The following TMEM59L variants were observed in gnomAD, a reference collection of about 807,000 sequenced individuals.
TMEM59L encodes the protein transmembrane protein 59 like.
In TMEM59L, 31 loss-of-function variants were observed where a neutral mutation model predicts 39.6. The ratio of observed to expected loss-of-function variants is 0.78; its 90% CI spans 0.59 to 1.06. The LOEUF (loss-of-function observed/expected upper bound fraction) is 1.06, where lower values mean the gene tolerates loss of function less well. TMEM59L is among the 50% of genes least tolerant of loss of function. The pLI is 0.00. For missense variants in TMEM59L, 441 were observed against 451.3 expected (o/e 0.98, Z 0.21); for synonymous variants, 219 against 202.9 (o/e 1.08, Z -0.68).
intron 7 of TMEM59L, 86 bp downstream of exon 7, chr19:18,618,578 G>C (rs1242912559): frequency 7.8e-7 from 1 of 1,286,284 alleles, no homozygotes; most frequent in Non-Finnish European, 1.1e-6. Context: ...TTGGCCACCT[G>C]CTCCCATGGA....
In TMEM59L at chr19:18,617,044, G is replaced by A. The variant is rs147991547; in HGVS notation, c.606G>A (p.Leu202=). 36 of 1,613,068 alleles carry A rather than the reference G, an allele frequency of 2.2e-5. No individual in the cohort carries two copies. In the African/African-American group the frequency reaches 4.5e-4, roughly 20 times the overall value. ...GCCTCGGCTTCCAGGGGGGCCGTCT[G>A]CAGCGCGTGGAGGTGACCTGGCGAG... The part of the protein sequence containing the change: ...VESLGFQGGR[L]QRVEVTWRGS... Residue 202 remains leucine, a synonymous_variant, in exon 5 of 8, where the codon CTG becomes CTA. Transcript: ENST00000262817.
In TMEM59L at chr19:18,614,315, G is replaced by T; in HGVS notation, c.408+120G>T. The T allele has an allele frequency of 3.5e-6, 4 of 1,155,510 alleles. No homozygotes were observed. In the South Asian group the frequency reaches 4.4e-5, roughly 13 times the overall value. 71.6% of individuals were successfully genotyped at this position (1,155,510 alleles called of 1,614,324 possible). A position where few individuals can be genotyped will look rare whatever the true frequency, so the allele number is the denominator to read the frequency against. On this transcript the variant is annotated intron_variant, in intron 3 of 7. Coordinates refer to ENST00000262817, the MANE Select transcript of TMEM59L (RefSeq NM_012109.3). ...AGACTCTGCGTTCTATACCAGGCCT[G>T]CAGGGCAACCTCCATCCAGCCCCGT...
chr19:18,614,220 G>A (rs1976404594), intron 3 of TMEM59L, 25 bp downstream of exon 3: 6 of 1,564,462 alleles, frequency 3.8e-6, no homozygotes, highest in Non-Finnish European at 5.2e-6. Context: ...GCGGCCTGGG[G>A]TCCCTTTTCC....
intron 5 of TMEM59L, chr19:18,617,483 G>T (rs1377858559): frequency 4.3e-6 from 2 of 465,330 alleles, no homozygotes; most frequent in East Asian, 1.3e-4. Context: ...AGGGATCCAT[G>T]GTTCACTTTC....
rs571468959 is a variant in TMEM59L at position 18,619,203 on chromosome 19, G to T, written c.900+711G>T. ...GATGGGGACTATGTTGCCCAGGCTG[G>T]TCTTGAACTCCTGGGCTCAAGTGAT... On this transcript the variant is annotated intron_variant, in intron 7 of 7. Coordinates refer to ENST00000262817, the MANE Select transcript of TMEM59L (RefSeq NM_012109.3). Among the ~76,000 whole-genome samples the T allele has an allele frequency of 5.3e-5, 8 of 152,258 alleles. No individual in the cohort carries two copies. The South Asian group carries it at 1.7e-3, about 32-fold the overall frequency.
At chr19:18,615,950 T>C (rs953491813) in intron 3 of TMEM59L, 25 bp from the exon 4 acceptor site, 1 of 1,609,360 alleles carries the variant, frequency 6.2e-7, no homozygotes, top group Non-Finnish European at 8.5e-7. Flanking sequence ...GTGCCATCTT[T>C]GTGTCTTGGA....
chr19:18,617,841 G>A (rs2145350472), intron 5 of TMEM59L: 1 of 437,654 alleles, frequency 2.3e-6, no homozygotes, highest in Admixed American at 3.5e-5. Context: ...ATCTCCCAGG[G>A]TTCCATGGGT....
At chr19:18,617,295 T>C (rs773327866) in intron 5 of TMEM59L, 193 bp downstream of exon 5, 3 of 675,662 alleles carry the variant, frequency 4.4e-6, no homozygotes, top group Non-Finnish European at 5.4e-6. Flanking sequence ...ATGGTCCACT[T>C]CTCAGGGTTC....
Position 18,618,280 on chromosome 19 carries a change from G to T in TMEM59L, c.782+8G>T. 1 of 624,382 alleles carries T rather than the reference G, an allele frequency of 1.6e-6. No homozygotes were observed. The highest frequency in any genetic ancestry group is 2.8e-6 in the Non-Finnish European group (1 of 350,952). The allele number at this position is 624,382 out of a possible 1,614,324, so 38.7% of individuals were successfully genotyped here. ...CCTCAGTTGCATGTCCCGGTGGGTG[G>T]CAGGACCTTGGGGGTGGGAGGGGGG... On this transcript the variant is annotated splice_region_variant and intron_variant, in intron 6 of 7. Coordinates refer to ENST00000262817, the MANE Select transcript of TMEM59L (RefSeq NM_012109.3).
rs1976397888 is a variant in TMEM59L, at chr19:18,613,868, C to T, written c.172-4C>T. 1 of 1,610,050 alleles carries T rather than the reference C, an allele frequency of 6.2e-7. No individual in the cohort carries two copies. The highest frequency in any genetic ancestry group is 1.3e-5 in the African/African-American group (1 of 74,892). On this transcript the variant is annotated splice_region_variant and splice_polypyrimidine_tract_variant and intron_variant, in intron 1 of 7. Coordinates refer to ENST00000262817, the MANE Select transcript of TMEM59L (RefSeq NM_012109.3). Reference sequence around the variant, plus strand: ...CCTGAGCCCCCTGTCCTCCCCTCCCCCAGGCGGGGCTGGAGGGCGCCTCCG... The same window carrying T: ...CCTGAGCCCCCTGTCCTCCCCTCCCTCAGGCGGGGCTGGAGGGCGCCTCCG...
chr19:18,614,570 C>T (rs907740130), intron 3 of TMEM59L, among the ~76,000 whole-genome samples: 7 of 152,310 alleles, frequency 4.6e-5, no homozygotes, highest in African/African-American at 7.2e-5. Flanking sequence ...GTGCAAGGGG[C>T]GAGATTTGAA....
intron 7 of TMEM59L, among the ~76,000 whole-genome samples, chr19:18,620,121 G>A (rs1186439187): frequency 2.0e-5 from 3 of 151,568 alleles, no homozygotes; most frequent in Non-Finnish European, 4.4e-5. Flanking sequence ...AGCCAACATA[G>A]TGAAACCCCA....
chr19:18,618,582 C>T (rs1241252252), intron 7 of TMEM59L, 90 bp downstream of exon 7: 6 of 1,173,712 alleles, frequency 5.1e-6, no homozygotes, highest in East Asian at 2.5e-5. Flanking sequence ...CCACCTGCTC[C>T]CATGGAGGCC....
intron 7 of TMEM59L, 38 bp downstream of exon 7, chr19:18,618,530 G>T: frequency 6.3e-7 from 1 of 1,575,588 alleles, no homozygotes; most frequent in Non-Finnish European, 8.6e-7. Flanking sequence ...GCCGAGGGAG[G>T]GGGTGAAGGC....
intron 1 of TMEM59L, among the ~76,000 whole-genome samples, chr19:18,613,649 C>T (rs111981776): frequency 0.019 from 2,885 of 152,210 alleles, 47 homozygotes; most frequent in Middle Eastern, 0.034. Context: ...TCATTTCTCT[C>T]CACCTTCACT....
rs927681898 is a variant in TMEM59L, at chr19:18,614,021, G to A, written c.316+5G>A. Reference sequence around the variant, plus strand: ...CCCAAACTGAGTGTGAAGCAGGTGAGGGCCCGCCGGCAGGGTGGGCCAGCG... The same window carrying A: ...CCCAAACTGAGTGTGAAGCAGGTGAAGGCCCGCCGGCAGGGTGGGCCAGCG... On this transcript the variant is annotated splice_donor_5th_base_variant and intron_variant, in intron 2 of 7. Transcript: ENST00000262817. 3 of 1,613,176 alleles carry A rather than the reference G, an allele frequency of 1.9e-6. No individual in the cohort carries two copies. The African/African-American group carries it at 4.0e-5, about 22-fold the overall frequency.
intron 7 of TMEM59L, 29 bp downstream of exon 7, chr19:18,618,521 C>T: frequency 6.3e-7 from 1 of 1,583,470 alleles, no homozygotes; most frequent in Non-Finnish European, 8.6e-7. Flanking sequence ...TGGCGCTGGG[C>T]CGAGGGAGGG....
intron 1 of TMEM59L, 128 bp downstream of exon 1, chr19:18,613,257 G>T: frequency 1.0e-6 from 1 of 1,003,252 alleles, no homozygotes; most frequent in Non-Finnish European, 1.3e-6. Context: ...GGAGGTGGGG[G>T]TCGGGAATGG....
At chr19:18,616,384 T>TGTTGTTGTTG (rs1555763005) in intron 4 of TMEM59L, among the ~76,000 whole-genome samples, 1 of 46,814 alleles carries the variant, frequency 2.1e-5, no homozygotes, top group African/African-American at 7.7e-5. Context: ...GCTGTGGTTT[T>TGTTGTTGTTG]TTTTTGTTGT....
Sources: gnomAD v4.1 joint callset for allele counts (sites outside exome capture counted in the v4.1 genomes callset) on GRCh38, gnomAD v4.1.1 for gene constraint, MANE v1.5 for transcripts, NCBI Gene and HGNC (gene_info 2026-07-23, HGNC 2026-07-21) for gene names.